WARS2: variants seen among roughly 807,000 people sequenced by gnomAD.
WARS2 encodes tryptophan--tRNA ligase, mitochondrial.
In WARS2, 28 loss-of-function variants were observed where a neutral mutation model predicts 36.5. The observed-to-expected ratio is 0.77, with a 90% CI of 0.57 to 1.05. The LOEUF (loss-of-function observed/expected upper bound fraction) is 1.05. Ranked by LOEUF, WARS2 falls within the 50% of genes least tolerant of loss-of-function variation. The probability of loss-of-function intolerance (pLI) is 0.00; values close to 1 mark genes in which losing one functional copy is unlikely to be tolerated. For missense variants in WARS2, 435 were observed against 456.8 expected (o/e 0.95, Z 0.44); for synonymous variants, 174 against 178.4 (o/e 0.98, Z 0.20).
intron 2 of WARS2, among the ~76,000 whole-genome samples, chr1:119,046,720 C>T (rs17023164): frequency 0.22 from 33,184 of 151,476 alleles, 4,999 homozygotes; most frequent in East Asian, 0.52. Context: ...GAATTTAAGG[C>T]CTATGCATCC....
At chr1:119,094,562 G>A (rs1653282029) in intron 1 of WARS2, among the ~76,000 whole-genome samples, 1 of 151,730 alleles carries the variant, frequency 6.6e-6, no homozygotes, top group Non-Finnish European at 1.5e-5. Flanking sequence ...AAAAATAAAT[G>A]TTATTGTATA....
chr1:119,051,762 ATTTTTTTTTT>A (rs527937756), intron 2 of WARS2, among the ~76,000 whole-genome samples: 2 of 114,314 alleles, frequency 1.7e-5, no homozygotes, highest in African/African-American at 3.3e-5. Flanking sequence ...TCTCGCTGTA[ATTTTTTTTTT>A]TTTTTTTTTT....
chr1:119,083,303 G>A (rs1053033004), intron 1 of WARS2, among the ~76,000 whole-genome samples: 3 of 152,156 alleles, frequency 2.0e-5, no homozygotes, highest in African/African-American at 7.2e-5. Flanking sequence ...CCTCTACCAT[G>A]TAAGGACACA....
At chr1:119,065,473 T>A (rs967075976) in intron 2 of WARS2, among the ~76,000 whole-genome samples, 3 of 151,106 alleles carry the variant, frequency 2.0e-5, no homozygotes, top group Non-Finnish European at 4.4e-5. Context: ...CTCTACTAGA[T>A]AAGAATACAA....
chr1:119,042,875 G>A lies in WARS2; in HGVS notation c.430-526C>T, dbSNP rs570127692. On this transcript the variant is annotated intron_variant, in intron 3 of 5. Coordinates refer to ENST00000235521, the MANE Select transcript of WARS2 (RefSeq NM_015836.4). ...GCATTTAAAAAATAAAAGTAAGTGAGAGAAATATTCATCTAACCAATCCTA... is the reference window on the plus strand; with the variant it reads ...GCATTTAAAAAATAAAAGTAAGTGAAAGAAATATTCATCTAACCAATCCTA... 3.3e-5 allele frequency among the ~76,000 whole-genome samples: 5 copies of A among 152,238 alleles called. No homozygotes were observed. The East Asian group carries it at 7.7e-4, about 24-fold the overall frequency.
intron 1 of WARS2, chr1:119,127,188 G>T (rs1557757346): frequency 2.2e-5 from 16 of 726,136 alleles, no homozygotes; most frequent in Non-Finnish European, 4.0e-5. Context: ...CATAGCAAGT[G>T]CTTTCACATC....
At chr1:119,093,049 T>C (rs1446175913) in intron 1 of WARS2, among the ~76,000 whole-genome samples, 1 of 152,156 alleles carries the variant, frequency 6.6e-6, no homozygotes, top group Non-Finnish European at 1.5e-5. Context: ...CAGAGTCAAA[T>C]CCAAACCCTT....
intron 1 of WARS2, chr1:119,127,269 C>G (rs760317697): frequency 1.4e-4 from 101 of 740,816 alleles, no homozygotes; most frequent in Non-Finnish European, 2.3e-4. Flanking sequence ...TTTCATAAGG[C>G]GCTTGTTCTT....
At chr1:119,098,131 C>A (rs1653581168) in intron 1 of WARS2, among the ~76,000 whole-genome samples, 1 of 152,014 alleles carries the variant, frequency 6.6e-6, no homozygotes. Context: ...GACCTGTAGT[C>A]CCAGCTACTT....
In WARS2 at chr1:119,113,800, A is replaced by G. The variant is rs587669594; in HGVS notation, c.90+26755T>C. Among the ~76,000 whole-genome samples, 159 of 152,238 alleles carry G rather than the reference A, an allele frequency of 1.0e-3. 1 individual carries two copies. The highest frequency in any genetic ancestry group is 3.5e-3 in the African/African-American group (144 of 41,544). On this transcript the variant is annotated intron_variant, in intron 1 of 5. Transcript: ENST00000235521. ...TCTTCAACTATAATAAGACAATAATATAATTTTAAGGATCTCTCTTGCTTC... is the reference window on the plus strand; with the variant it reads ...TCTTCAACTATAATAAGACAATAATGTAATTTTAAGGATCTCTCTTGCTTC...
chr1:119,048,212 G>C (rs2101140358), intron 2 of WARS2, among the ~76,000 whole-genome samples: 1 of 152,314 alleles, frequency 6.6e-6, no homozygotes, highest in Admixed American at 6.5e-5. Context: ...TTGCAAAGTA[G>C]TTAAGAGCCC....
chr1:119,101,119 C>T (rs971342800), intron 1 of WARS2, among the ~76,000 whole-genome samples: 1 of 151,802 alleles, frequency 6.6e-6, no homozygotes, highest in Admixed American at 6.6e-5. Flanking sequence ...ACATACAGTT[C>T]GATAAAAGGA....
intron 2 of WARS2, among the ~76,000 whole-genome samples, chr1:119,056,665 A>C (rs142757734): frequency 0.011 from 1,621 of 151,500 alleles, 27 homozygotes; most frequent in African/African-American, 0.037. Context: ...CTATACACCA[A>C]TCAAGATACA....
rs3934789 is a variant in WARS2, at chr1:119,140,440, G to A, written c.90+115C>T. The A allele has an allele frequency of 0.26, 240,848 of 910,310 alleles. 34,067 individuals carry two copies. Among genetic ancestry groups the A allele is most frequent in the African/African-American group, 0.38 (22,928 of 59,992 alleles). The allele number at this position is 910,310 out of a possible 1,614,324, so 56.4% of individuals were successfully genotyped here. On this transcript the variant is annotated intron_variant, in intron 1 of 5. Transcript: ENST00000235521. ...TCATAGACGAGTAGACCTTAGGCGA[G>A]GGAAGGCATGTACTTTCCCTAAGAA...
intron 1 of WARS2, among the ~76,000 whole-genome samples, chr1:119,106,505 CT>C (rs1176283836): frequency 2.0e-5 from 3 of 152,150 alleles, no homozygotes; most frequent in African/African-American, 7.2e-5. Flanking sequence ...AACCACTAGG[CT>C]TTTTACTGTC....
intron 1 of WARS2, chr1:119,085,803 T>G (rs1652608489): frequency 6.2e-7 from 1 of 1,608,610 alleles, no homozygotes; most frequent in African/African-American, 1.3e-5. Flanking sequence ...ACAGATGATG[T>G]CCCCTTCAGT....
chr1:119,083,977 A>T (rs1423054944), intron 1 of WARS2, among the ~76,000 whole-genome samples: 1 of 152,154 alleles, frequency 6.6e-6, no homozygotes, highest in Non-Finnish European at 1.5e-5. Context: ...TTAAAAGTAC[A>T]AAAAATGATA....
At chr1:119,043,606 T>A (rs1489301864) in intron 3 of WARS2, among the ~76,000 whole-genome samples, 1 of 152,182 alleles carries the variant, frequency 6.6e-6, no homozygotes, top group Non-Finnish European at 1.5e-5. Flanking sequence ...CTTCACTACA[T>A]CCCCTAATTA....
chr1:119,084,449 C>G (rs1420012840), intron 1 of WARS2, among the ~76,000 whole-genome samples: 1 of 152,046 alleles, frequency 6.6e-6, no homozygotes, highest in Non-Finnish European at 1.5e-5. Context: ...GTGAATTTCA[C>G]CTCAATACAA....
Sources: allele counts gnomAD v4.1 joint callset (sites outside exome capture counted in the v4.1 genomes callset), GRCh38; gene constraint gnomAD v4.1.1; transcripts MANE v1.5; gene names NCBI Gene and HGNC (gene_info 2026-07-23, HGNC 2026-07-21).